Variants in FBLN1 observed in about 807,000 individuals in gnomAD.
FBLN1 encodes fibulin-1.
FBLN1 carries 34 observed loss-of-function variants against 89.7 expected under a neutral mutation model. That is an observed-to-expected ratio of 0.38 (90% CI 0.29 to 0.50). The LOEUF is 0.50. FBLN1 is among the 20% of genes least tolerant of loss of function. The pLI is 0.92. For synonymous variants in FBLN1, 393 were observed against 391.3 expected (o/e 1.00, Z -0.05); for missense variants, 777 against 988.1 (o/e 0.79, Z 2.86).
Position 45,562,907 on chromosome 22 carries a change from TGCAGCC to T in FBLN1, c.1698-11601_1698-11596del. 6.2e-7 allele frequency: 1 copy of T among 1,613,470 alleles called. No individual in the cohort carries two copies. Among genetic ancestry groups the T allele is most frequent in the South Asian group, 1.1e-5 (1 of 91,074 alleles). The stretch of plus-strand genomic sequence containing the variant: ...TTCTTGTCTCTCTGCCCACTTTTCT[TGCAGCC>T]GCTGTGAGCGCTTGCCTTGCCATGA... On this transcript the variant is annotated intron_variant, in intron 14 of 16. Transcript: ENST00000327858. This position sits in a 1 kb window ranked among gnomAD's most constrained non-coding sequence, Gnocchi z 7.8.
rs1170343290 is a variant in FBLN1 at position 45,590,975 on chromosome 22, G to C, written c.1973-9332G>C. On this transcript the variant is annotated intron_variant, in intron 16 of 16. Transcript: ENST00000327858. This position sits in a 1 kb window ranked among gnomAD's most constrained non-coding sequence, Gnocchi z 4.1. The stretch of plus-strand genomic sequence containing the variant: ...CCCACCCAGCAGGTAGGTGGGTGGA[G>C]GCTGAGGTCGGCTCAGGAGACACAC... 1.3e-5 allele frequency among the ~76,000 whole-genome samples: 2 copies of C among 152,142 alleles called. No individual in the cohort carries two copies. Among genetic ancestry groups the C allele is most frequent in the East Asian group, 3.9e-4 (2 of 5,180 alleles).
Position 45,531,322 on chromosome 22 carries a change from G to A in FBLN1, c.542G>A (p.Arg181Gln), listed in dbSNP as rs770182727. The change falls in exon 5 of 17, where the codon CGA becomes CAA. Residue 181 changes from arginine to glutamine, a missense_variant and splice_region_variant. Physicochemically the swap from Arg to Gln is conservative, Grantham distance 43. Transcript: ENST00000327858. This position sits in a 1 kb window ranked among gnomAD's most constrained non-coding sequence, Gnocchi z 4.9. ...QEDPYLNDRC[R>Q]GGGPCKQQCR... The stretch of plus-strand genomic sequence containing the variant: ...GACCCATATCTGAATGACCGCTGCC[G>A]AGGTGAGACTCGGGCGTCTCCCATC... 12 of 1,613,782 alleles carry A rather than the reference G, an allele frequency of 7.4e-6. No homozygotes were observed. Among genetic ancestry groups the A allele is most frequent in the Non-Finnish European group, 1.0e-5 (12 of 1,179,736 alleles).
chr22:45,563,491 G>A lies in FBLN1; in HGVS notation c.1698-11020G>A, dbSNP rs2088874631. ...ACTGAGGAGCGCTCCCCACTAGAGG[G>A]TGTGTGCTCGGGGGTCCCTGTTCAC... On this transcript the variant is annotated intron_variant, in intron 14 of 16. Coordinates refer to ENST00000327858, the MANE Select transcript of FBLN1 (RefSeq NM_006486.3). This position sits in a 1 kb window ranked among gnomAD's most constrained non-coding sequence, Gnocchi z 5.7. 1.1e-6 allele frequency: 1 copy of A among 902,942 alleles called. No homozygotes were observed. The highest frequency in any genetic ancestry group is 1.8e-5 in the South Asian group (1 of 56,966). The allele number at this position is 902,942 out of a possible 1,614,324, so 55.9% of individuals were successfully genotyped here.
At chr22:45,596,694 A>G (rs571751121) in intron 16 of FBLN1, among the ~76,000 whole-genome samples, 280 of 126,672 alleles carry the variant, frequency 2.2e-3, no homozygotes, top group Admixed American at 4.6e-3. Context: ...TATGATAATT[A>G]TATATTTATC....
intron 7 of FBLN1, among the ~76,000 whole-genome samples, chr22:45,534,653 C>A (rs546991365): frequency 6.6e-6 from 1 of 151,430 alleles, no homozygotes; most frequent in South Asian, 2.1e-4. Context: ...TTCTGTCCTC[C>A]CCACCCCCAC....
chr22:45,527,530 G>C (rs2088344793), intron 3 of FBLN1, among the ~76,000 whole-genome samples: 1 of 152,050 alleles, frequency 6.6e-6, no homozygotes, highest in South Asian at 2.1e-4. Flanking sequence ...GGATGTGTGC[G>C]AGCAGAGCCG....
intron 14 of FBLN1, chr22:45,565,120 A>G (rs756592346): frequency 9.4e-6 from 15 of 1,588,382 alleles, no homozygotes; most frequent in Non-Finnish European, 1.3e-5. Flanking sequence ...CTCTCTGATC[A>G]TGCCAGGTTT....
chr22:45,518,792 G>C lies in FBLN1; in HGVS notation c.185+5G>C. On this transcript the variant is annotated splice_donor_5th_base_variant and intron_variant, in intron 2 of 16. Coordinates refer to ENST00000327858, the MANE Select transcript of FBLN1 (RefSeq NM_006486.3). ...TACGGAATCCAAAGAATGCAGGTAC[G>C]TTTGCCAGTGGCCACTGTTTCACTG... is the stretch of plus-strand genomic sequence containing the variant. 1 of 1,600,010 alleles carries C rather than the reference G, an allele frequency of 6.2e-7. No homozygotes were observed. The highest frequency in any genetic ancestry group is 8.5e-7 in the Non-Finnish European group (1 of 1,172,022).
At chr22:45,570,253 G>A (rs5764791) in intron 14 of FBLN1, among the ~76,000 whole-genome samples, 95,505 of 146,204 alleles carry the variant, frequency 0.65, 31,123 homozygotes, top group African/African-American at 0.71. Flanking sequence ...CAGGGAGGCA[G>A]AGGTTGCAGT....
At chr22:45,506,530 A>G (rs912749585) in intron 1 of FBLN1, among the ~76,000 whole-genome samples, 1 of 152,168 alleles carries the variant, frequency 6.6e-6, no homozygotes, top group East Asian at 1.9e-4. Context: ...GAGTCAGGGA[A>G]GACTTCCCGG....
chr22:45,555,900 A>G (rs1602206451), intron 14 of FBLN1, among the ~76,000 whole-genome samples: 2 of 152,388 alleles, frequency 1.3e-5, no homozygotes, highest in East Asian at 1.9e-4. Context: ...TGTGAATTCA[A>G]TAAATCTTAT....
chr22:45,516,677 G>C (rs1424386644), intron 1 of FBLN1, among the ~76,000 whole-genome samples: 1 of 152,236 alleles, frequency 6.6e-6, no homozygotes, highest in Non-Finnish European at 1.5e-5. Flanking sequence ...TGGTCAGGCT[G>C]CTGGAAACTG....
intron 16 of FBLN1, among the ~76,000 whole-genome samples, chr22:45,591,822 GCGCGC>G: frequency 6.9e-6 from 1 of 144,232 alleles, no homozygotes; most frequent in African/African-American, 2.7e-5. Context: ...GAAGTGTCCT[GCGCGC>G]CATTTTGCAG....
chr22:45,592,657 A>G (rs922071568), intron 16 of FBLN1, among the ~76,000 whole-genome samples: 5 of 152,082 alleles, frequency 3.3e-5, no homozygotes, highest in African/African-American at 1.2e-4. Context: ...CCTCTTTGCC[A>G]TTGGTCTGTG....
intron 14 of FBLN1, chr22:45,558,132 G>A: frequency 1.4e-6 from 1 of 715,754 alleles, no homozygotes; most frequent in Admixed American, 2.0e-5. Flanking sequence ...AGGCAAGTTG[G>A]CAGGAGTGGA....
Position 45,600,447 on chromosome 22 carries a change from G to A in FBLN1, c.*1G>A. On this transcript the variant is annotated 3_prime_UTR_variant, in exon 17 of 17. Coordinates refer to ENST00000327858, the MANE Select transcript of FBLN1 (RefSeq NM_006486.3). The stretch of plus-strand genomic sequence containing the variant: ...CTTCGTCTCTGAGTACTGGTTCTGA[G>A]GGCTGGTCTGCCGCACAGCCGCAGG... 6.2e-7 allele frequency: 1 copy of A among 1,614,164 alleles called. No homozygotes were observed. The highest frequency in any genetic ancestry group is 1.1e-5 in the South Asian group (1 of 91,082).
chr22:45,586,943 T>C (rs933372853), intron 16 of FBLN1, among the ~76,000 whole-genome samples: 4 of 152,002 alleles, frequency 2.6e-5, no homozygotes, highest in Non-Finnish European at 5.9e-5. Context: ...CTACGGACAG[T>C]ACAGGGCCAG....
rs1417023126 is a variant in FBLN1, at chr22:45,597,262, A to G, written c.1973-3045A>G. ...GTGATCTGCCCGCCTAAGCCTCCCA[A>G]AGTGCTGGGATTACAAGCGTGAGCC... On this transcript the variant is annotated intron_variant, in intron 16 of 16. Coordinates refer to ENST00000327858, the MANE Select transcript of FBLN1 (RefSeq NM_006486.3). This position sits in a 1 kb window ranked among gnomAD's most constrained non-coding sequence, Gnocchi z 4.2. Among the ~76,000 whole-genome samples the G allele has an allele frequency of 6.6e-6, 1 of 152,138 alleles. No homozygotes were observed. Among genetic ancestry groups the G allele is most frequent in the African/African-American group, 2.4e-5 (1 of 41,430 alleles).
rs376936876 is a variant in FBLN1 at position 45,563,162 on chromosome 22, G to A, written c.1698-11349G>A. 4.0e-5 allele frequency: 64 copies of A among 1,613,448 alleles called. No individual in the cohort carries two copies. Among genetic ancestry groups the A allele is most frequent in the Non-Finnish European group, 5.0e-5 (59 of 1,179,990 alleles). On this transcript the variant is annotated intron_variant, in intron 14 of 16. Transcript: ENST00000327858. This position sits in a 1 kb window ranked among gnomAD's most constrained non-coding sequence, Gnocchi z 5.7. The stretch of plus-strand genomic sequence containing the variant: ...GGTGGCCCTCACCAAGCCTGTCCCC[G>A]AGCCCAGGGACTTGCTCCTGACCGT...
Sources: gnomAD v4.1 joint callset for allele counts (sites outside exome capture counted in the v4.1 genomes callset) on GRCh38, gnomAD v4.1.1 for gene constraint, Gnocchi (gnomAD v3.1) non-coding constraint, MANE v1.5 for transcripts, NCBI Gene and HGNC (gene_info 2026-07-23, HGNC 2026-07-21) for gene names.